SERPINB10: variants seen among roughly 807,000 people sequenced by gnomAD.
SERPINB10 encodes the protein serpin B10.
SERPINB10 carries 35 observed loss-of-function variants against 39.1 expected under a neutral mutation model. The observed-to-expected ratio is 0.90, with a 90% CI of 0.68 to 1.19. The LOEUF (loss-of-function observed/expected upper bound fraction) is 1.19. Ranked by LOEUF, SERPINB10 falls within the 50% of genes most tolerant of loss-of-function variation. The pLI is 0.00. For synonymous variants in SERPINB10, 190 were observed against 158.1 expected (o/e 1.20, Z -1.52); for missense variants, 546 against 460.5 (o/e 1.19, Z -1.70).
intron 5 of SERPINB10, among the ~76,000 whole-genome samples, chr18:63,920,652 C>T (rs1244568895): frequency 6.6e-6 from 1 of 151,968 alleles, no homozygotes; most frequent in Non-Finnish European, 1.5e-5. Flanking sequence ...CCACTCATCT[C>T]CCACTGGTCT....
intron 1 of SERPINB10, among the ~76,000 whole-genome samples, chr18:63,909,998 G>A (rs147609480): frequency 6.4e-4 from 98 of 152,050 alleles, no homozygotes; most frequent in Middle Eastern, 3.4e-3. Context: ...GGAGTAGACA[G>A]GAGCCACACC....
chr18:63,915,158 G>A (rs2049412326), intron 1 of SERPINB10, among the ~76,000 whole-genome samples: 1 of 152,092 alleles, frequency 6.6e-6, no homozygotes, highest in South Asian at 2.1e-4. Flanking sequence ...TTATGCTGGA[G>A]TTGGAAAAAC....
intron 4 of SERPINB10, among the ~76,000 whole-genome samples, 170 bp downstream of exon 4, chr18:63,918,272 C>T (rs1256628735): frequency 6.6e-6 from 1 of 151,930 alleles, no homozygotes; most frequent in Non-Finnish European, 1.5e-5. Context: ...GTAAAGGAAA[C>T]CAATAACAGG....
Position 63,935,019 on chromosome 18 carries a change from G to A in SERPINB10, c.971G>A (p.Gly324Glu). ...AFSQSKADFS[G>E]MSSARNLFLS... ...AGCCAAAGCAAAGCTGATTTCTCAG[G>A]AATGTCTTCAGCAAGAAACCTATTT... Residue 324 changes from glycine (G) to glutamate (E), a missense_variant, in exon 8 of 8, where the codon GGA becomes GAA. Coordinates refer to ENST00000238508, the MANE Select transcript of SERPINB10 (RefSeq NM_005024.3). 1 of 1,614,194 alleles carries A rather than the reference G, an allele frequency of 6.2e-7. No individual in the cohort carries two copies. The highest frequency in any genetic ancestry group is 8.5e-7 in the Non-Finnish European group (1 of 1,180,032).
chr18:63,933,090 C>CTTCA lies in SERPINB10; in HGVS notation c.677_680dup (p.Ile228SerfsTer21). ...GCAAATGATGTTTATGAAGAAAAAGCTTCACATTTTTCACATAGAAAAGCC... is the reference window on the plus strand; with the variant it reads ...GCAAATGATGTTTATGAAGAAAAAGCTTCATTCACATTTTTCACATAGAAAAGCC... On this transcript the variant is annotated frameshift_variant, in exon 7 of 8. Coordinates refer to ENST00000238508, the MANE Select transcript of SERPINB10 (RefSeq NM_005024.3). LOFTEE classifies it high-confidence loss of function. 6.2e-7 allele frequency: 1 copy of CTTCA among 1,613,878 alleles called. No homozygotes were observed. The highest frequency in any genetic ancestry group is 2.2e-5 in the East Asian group (1 of 44,864).
Position 63,935,164 on chromosome 18 carries a change from A to T in SERPINB10, c.1116A>T (p.Ala372=), listed in dbSNP as rs762627497. ...RIRVPSIEFN[A]NHPFLFFIRH... is the part of the protein sequence containing the mutation. ...GAGTCCCATCCATTGAATTCAATGCAAATCACCCATTCCTCTTCTTCATCA... is the reference window on the plus strand; with the variant it reads ...GAGTCCCATCCATTGAATTCAATGCTAATCACCCATTCCTCTTCTTCATCA... The change falls in exon 8 of 8, where the codon GCA becomes GCT. Residue 372 remains alanine (A), a synonymous_variant. Coordinates refer to ENST00000238508, the MANE Select transcript of SERPINB10 (RefSeq NM_005024.3). The T allele has an allele frequency of 6.2e-7, 1 of 1,613,140 alleles. No homozygotes were observed. The highest frequency in any genetic ancestry group is 2.2e-5 in the East Asian group (1 of 44,878).
chr18:63,923,106 G>A (rs1471915698), intron 5 of SERPINB10, among the ~76,000 whole-genome samples: 2 of 151,836 alleles, frequency 1.3e-5, no homozygotes, highest in Admixed American at 1.3e-4. Flanking sequence ...CAAAAAATAA[G>A]CTCATGGTGG....
chr18:63,909,820 T>C (rs534336639), intron 1 of SERPINB10, among the ~76,000 whole-genome samples: 1 of 152,200 alleles, frequency 6.6e-6, no homozygotes, highest in Non-Finnish European at 1.5e-5. Context: ...AGTAAGAGCC[T>C]TAAAGGAAAT....
chr18:63,924,852 C>G (rs1404195103), intron 5 of SERPINB10, among the ~76,000 whole-genome samples: 1 of 151,860 alleles, frequency 6.6e-6, no homozygotes, highest in Non-Finnish European at 1.5e-5. Flanking sequence ...AGCACTGTTT[C>G]AGATACATTC....
intron 6 of SERPINB10, 59 bp from the exon 7 acceptor site, chr18:63,932,989 G>A: frequency 6.7e-7 from 1 of 1,487,028 alleles, no homozygotes; most frequent in Non-Finnish European, 9.2e-7. Context: ...TTAAGGAGTT[G>A]GTGGAATACT....
At chr18:63,929,598 C>A (rs1402712697) in intron 5 of SERPINB10, among the ~76,000 whole-genome samples, 1 of 151,230 alleles carries the variant, frequency 6.6e-6, no homozygotes, top group East Asian at 2.0e-4. Flanking sequence ...AGAGAAGTAA[C>A]TTCCTTTTTT....
At chr18:63,922,998 G>A (rs999609931) in intron 5 of SERPINB10, among the ~76,000 whole-genome samples, 3 of 151,894 alleles carry the variant, frequency 2.0e-5, no homozygotes, top group Non-Finnish European at 4.4e-5. Flanking sequence ...ATGGAAGAAA[G>A]GGCAGACTGC....
chr18:63,915,469 T>C (rs2050094214), intron 1 of SERPINB10, 33 bp from the exon 2 acceptor site: 1 of 1,460,640 alleles, frequency 6.8e-7, no homozygotes, highest in African/African-American at 1.4e-5. Context: ...TAAATATTAA[T>C]ATGCTCTCTA....
intron 6 of SERPINB10, among the ~76,000 whole-genome samples, chr18:63,932,474 C>T (rs1024283711): frequency 6.6e-6 from 1 of 152,084 alleles, no homozygotes; most frequent in African/African-American, 2.4e-5. Context: ...CTCCTAGTGA[C>T]ATATGATTGA....
intron 1 of SERPINB10, among the ~76,000 whole-genome samples, chr18:63,913,913 A>G (rs1300271751): frequency 6.6e-6 from 1 of 152,054 alleles, no homozygotes; most frequent in African/African-American, 2.4e-5. Flanking sequence ...GTTGAAGAGT[A>G]CTTGTCTTAT....
At position 63,933,164 on chromosome 18, in the gene SERPINB10, G is replaced by A. The variant is rs375425200; in HGVS notation, c.750G>A (p.Leu250=). 5.3e-5 allele frequency: 85 copies of A among 1,613,894 alleles called. No homozygotes were observed. The highest frequency in any genetic ancestry group is 6.9e-5 in the Non-Finnish European group (81 of 1,179,952). The part of the protein sequence containing the change: ...QLYYKSRDLS[L]LILLPEDING... ...ACTACAAAAGCCGTGACCTCAGCCT[G>A]CTTATACTACTGCCAGAAGACATTA... Residue 250 remains leucine (L), a synonymous_variant, in exon 7 of 8, where the codon CTG becomes CTA. Transcript: ENST00000238508.
chr18:63,916,781 C>T lies in SERPINB10; in HGVS notation c.169-675C>T, dbSNP rs1015916240. 1.2e-4 allele frequency among the ~76,000 whole-genome samples: 18 copies of T among 152,020 alleles called. 1 individual carries two copies. On this transcript the variant is annotated intron_variant, in intron 2 of 7. Coordinates refer to ENST00000238508, the MANE Select transcript of SERPINB10 (RefSeq NM_005024.3). ...GGCCTCATGAATTAACTGTGCACCC[C>T]TTTATGTATGGCAGGTGGCCCTTGT...
intron 1 of SERPINB10, among the ~76,000 whole-genome samples, chr18:63,910,572 TA>T (rs1187411103): frequency 1.3e-5 from 2 of 152,000 alleles, no homozygotes; most frequent in African/African-American, 4.8e-5. Flanking sequence ...GTTCCTGTCA[TA>T]ATTTGCTTAG....
intron 4 of SERPINB10, 145 bp from the exon 5 acceptor site, chr18:63,919,643 C>T (rs1239410656): frequency 1.1e-5 from 6 of 534,830 alleles, no homozygotes; most frequent in South Asian, 8.9e-5. Flanking sequence ...TTGACCAAAA[C>T]TGGGAGTCAG....
Sources: allele counts gnomAD v4.1 joint callset (sites outside exome capture counted in the v4.1 genomes callset), GRCh38; gene constraint gnomAD v4.1.1; transcripts MANE v1.5; gene names NCBI Gene and HGNC (gene_info 2026-07-23, HGNC 2026-07-21).